Variants in EPB41L1 observed in about 807,000 individuals in gnomAD.
The protein encoded by EPB41L1 is erythrocyte membrane protein band 4.1 like 1, also known as band 4.1-like protein 1.
Under a neutral mutation model 97.8 loss-of-function variants are expected in EPB41L1, and 29 were observed. The ratio of observed to expected loss-of-function variants is 0.30; its 90% CI spans 0.22 to 0.40. EPB41L1 has a LOEUF of 0.40. Ranked by LOEUF, EPB41L1 falls within the 10% of genes least tolerant of loss-of-function variation. EPB41L1 has a pLI of 1.00. For synonymous variants in EPB41L1, 383 were observed against 459.2 expected (o/e 0.83, Z 2.12); for missense variants, 812 against 1,162.3 (o/e 0.70, Z 4.38).
At chr20:36,181,573 C>T (rs2061473385) in intron 5 of EPB41L1, among the ~76,000 whole-genome samples, 2 of 152,202 alleles carry the variant, frequency 1.3e-5, no homozygotes, top group Admixed American at 1.3e-4. Flanking sequence ...ATCCTGTCTT[C>T]TGAGATGGAG....
intron 1 of EPB41L1, among the ~76,000 whole-genome samples, chr20:36,158,396 C>G (rs1364315393): frequency 6.6e-6 from 1 of 152,148 alleles, no homozygotes; most frequent in Non-Finnish European, 1.5e-5. Context: ...GGGAAGGCTT[C>G]AAGAAGACGG....
At chr20:36,178,190 C>A in intron 4 of EPB41L1, 134 bp downstream of exon 4, 1 of 735,708 alleles carries the variant, frequency 1.4e-6, no homozygotes, top group Non-Finnish European at 2.4e-6. Context: ...GCTCAACCAG[C>A]CCTATCCACC....
chr20:36,170,345 T>C (rs954278495), intron 1 of EPB41L1, among the ~76,000 whole-genome samples: 48 of 152,206 alleles, frequency 3.2e-4, no homozygotes, highest in African/African-American at 1.2e-3. Flanking sequence ...AATAATAATC[T>C]GTCTTCCCGC....
At chr20:36,162,672 A>G (rs771361806) in intron 1 of EPB41L1, among the ~76,000 whole-genome samples, 4 of 152,188 alleles carry the variant, frequency 2.6e-5, no homozygotes, top group Admixed American at 6.5e-5. Context: ...TCTCCGTTTT[A>G]ATGCTGTTAC....
At position 36,215,767 on chromosome 20, in the gene EPB41L1, C is replaced by G. The variant is rs544401391; in HGVS notation, c.2268+1327C>G. On this transcript the variant is annotated intron_variant, in intron 17 of 21. Transcript: ENST00000338074. ...ACATTTATTAGTCTGTACTATCTGC[C>G]TGGTATGGGGGATACAGTTGAAGAA... Among the ~76,000 whole-genome samples the G allele has an allele frequency of 4.6e-5, 7 of 152,288 alleles. No individual in the cohort carries two copies. The East Asian group carries it at 1.3e-3, about 29-fold the overall frequency.
At position 36,231,824 on chromosome 20, in the gene EPB41L1, T is replaced by C. The variant is rs2064501870; in HGVS notation, c.*2484T>C. 6.5e-6 allele frequency: 1 copy of C among 152,776 alleles called. No homozygotes were observed. Among genetic ancestry groups the C allele is most frequent in the South Asian group, 2.1e-4 (1 of 4,834 alleles). 9.5% of individuals were successfully genotyped at this position (152,776 alleles called of 1,614,324 possible). On this transcript the variant is annotated 3_prime_UTR_variant, in exon 22 of 22. Coordinates refer to ENST00000338074, the MANE Select transcript of EPB41L1 (RefSeq NM_012156.2). ...CTGGTGGAAAAGCCACAGAACCTTC[T>C]TCCTGCCCTTCTTGAGAGTTCCCCC... is the stretch of plus-strand genomic sequence containing the variant.
Position 36,194,226 on chromosome 20 carries a change from C to G in EPB41L1, c.1315C>G (p.Pro439Ala). The part of the protein sequence containing the change: ...RSLDGAEFSR[P>A]ASVSENHDAG... ...ACCCACTTCAGCAGAGTTCTCCCGCCCAGCCTCGGTCAGCGAGAACCATGA... is the reference window on the plus strand; with the variant it reads ...ACCCACTTCAGCAGAGTTCTCCCGCGCAGCCTCGGTCAGCGAGAACCATGA... Residue 439 changes from proline to alanine, a missense_variant, in exon 12 of 22, where the codon CCA (proline) becomes GCA (alanine). Pro to Ala is a conservative substitution (Grantham distance 27). Transcript: ENST00000338074. 6.2e-7 allele frequency: 1 copy of G among 1,613,934 alleles called. No homozygotes were observed. The highest frequency in any genetic ancestry group is 8.5e-7 in the Non-Finnish European group (1 of 1,180,026).
At chr20:36,156,829 C>CTCAGAA (rs1198647455) in intron 1 of EPB41L1, among the ~76,000 whole-genome samples, 2 of 152,120 alleles carry the variant, frequency 1.3e-5, no homozygotes, top group Non-Finnish European at 2.9e-5. Flanking sequence ...CTCCAGGGGG[C>CTCAGAA]AACAGAGAGT....
intron 2 of EPB41L1, among the ~76,000 whole-genome samples, chr20:36,121,342 T>C (rs1485290021): frequency 6.6e-6 from 1 of 152,188 alleles, no homozygotes; most frequent in Non-Finnish European, 1.5e-5. Context: ...CAAAGATGTC[T>C]CTTGGTTCTT....
intron 1 of EPB41L1, 138 bp downstream of exon 1, chr20:36,155,034 G>A (rs767636766): frequency 2.4e-6 from 2 of 819,454 alleles, no homozygotes; most frequent in Middle Eastern, 2.9e-4. Context: ...CCAGTGTGGG[G>A]GAGGGTCTCG....
At chr20:36,121,195 C>T (rs959032719) in intron 2 of EPB41L1, among the ~76,000 whole-genome samples, 3 of 151,954 alleles carry the variant, frequency 2.0e-5, no homozygotes, top group African/African-American at 7.3e-5. Flanking sequence ...CTGCTGGCAC[C>T]CTGATCTTTG....
At chr20:36,139,394 T>C (rs1233065329) in intron 2 of EPB41L1, among the ~76,000 whole-genome samples, 1 of 152,252 alleles carries the variant, frequency 6.6e-6, no homozygotes, top group African/African-American at 2.4e-5. Flanking sequence ...ACGGTTTGCA[T>C]GATAGTCAGT....
In EPB41L1 at chr20:36,209,484, A is replaced by G; in HGVS notation, c.1669-4A>G. 3 of 1,613,512 alleles carry G rather than the reference A, an allele frequency of 1.9e-6. No homozygotes were observed. Among genetic ancestry groups the G allele is most frequent in the East Asian group, 2.2e-5 (1 of 44,838 alleles). ...CCCATTCTTTTGATTTTATCTGGCC[A>G]TAGAGAGCAGGGCTGAGGGAGGGCT... On this transcript the variant is annotated splice_region_variant and splice_polypyrimidine_tract_variant and intron_variant, in intron 14 of 21. Transcript: ENST00000338074. The surrounding 1 kb of genome is among the most constrained non-coding windows in gnomAD (Gnocchi z 4.2).
At chr20:36,211,096 A>G (rs1174607429) in intron 15 of EPB41L1, among the ~76,000 whole-genome samples, 1 of 151,922 alleles carries the variant, frequency 6.6e-6, no homozygotes, top group East Asian at 1.9e-4. Context: ...AAAACAAGAA[A>G]AAAAAAATCT....
At chr20:36,097,771 A>G (rs1195231671) in intron 1 of EPB41L1, among the ~76,000 whole-genome samples, 1 of 152,244 alleles carries the variant, frequency 6.6e-6, no homozygotes, top group Admixed American at 6.5e-5. Context: ...GGGAACCCCA[A>G]ATAGTTCCAC....
In EPB41L1 at chr20:36,190,202, A is replaced by T. The variant is rs1021647450; in HGVS notation, c.1027-75A>T. ...CAAAAAAACATTAAACAAATAAAAT[A>T]AAAAACACAAAGAATGGGCTAGTGG... On this transcript the variant is annotated intron_variant, in intron 9 of 21. Coordinates refer to ENST00000338074, the MANE Select transcript of EPB41L1 (RefSeq NM_012156.2). This position sits in a 1 kb window ranked among gnomAD's most constrained non-coding sequence, Gnocchi z 5.8. 4.9e-6 allele frequency: 6 copies of T among 1,223,286 alleles called. No individual in the cohort carries two copies. The highest frequency in any genetic ancestry group is 1.5e-5 in the African/African-American group (1 of 66,644). 75.8% of individuals were successfully genotyped at this position (1,223,286 alleles called of 1,614,324 possible).
chr20:36,156,095 G>T (rs144391920), intron 1 of EPB41L1, among the ~76,000 whole-genome samples: 177 of 152,346 alleles, frequency 1.2e-3, no homozygotes, highest in African/African-American at 4.1e-3. Context: ...GGAGCCTGCG[G>T]CAGAGGCAGC....
In EPB41L1 at chr20:36,129,331, G is replaced by A. The variant is rs1012523018; in HGVS notation, c.-10+16851G>A. The stretch of plus-strand genomic sequence containing the variant: ...GCTGGACTGCGGGGTGAATGGCCAC[G>A]GGTGTGGTAAGTTACCGCTTCTCCT... On this transcript the variant is annotated intron_variant, in intron 2 of 19. Transcript: ENST00000202028. Among the ~76,000 whole-genome samples the A allele has an allele frequency of 2.0e-5, 3 of 152,122 alleles. 1 individual carries two copies. Among genetic ancestry groups the A allele is most frequent in the South Asian group, 4.1e-4 (2 of 4,828 alleles).
chr20:36,136,512 C>T (rs1036971458), intron 2 of EPB41L1, among the ~76,000 whole-genome samples: 4 of 151,976 alleles, frequency 2.6e-5, no homozygotes, highest in African/African-American at 7.2e-5. Context: ...GTGTACACTT[C>T]AGTAGTGTTG....
Sources: gnomAD v4.1 joint callset for allele counts (sites outside exome capture counted in the v4.1 genomes callset) on GRCh38, gnomAD v4.1.1 for gene constraint, Gnocchi (gnomAD v3.1) non-coding constraint, MANE v1.5 for transcripts, NCBI Gene and HGNC (gene_info 2026-07-23, HGNC 2026-07-21) for gene names.